The following ENDOD1 variants were observed in gnomAD, a reference collection of about 807,000 sequenced individuals.
ENDOD1 encodes the protein endonuclease domain containing 1.
A neutral mutation model predicts 6.5 loss-of-function variants in ENDOD1; 9 were observed. The observed-to-expected ratio is 1.39, with a 90% CI of 0.84 to 2.43. ENDOD1 has a LOEUF of 2.43. ENDOD1 is among the 30% of genes most tolerant of loss of function. The probability of loss-of-function intolerance (pLI) is 0.00; values close to 1 mark genes in which losing one functional copy is unlikely to be tolerated. For missense variants in ENDOD1, 648 were observed against 635.5 expected, an observed-to-expected ratio of 1.02 and a Z score of -0.21; for synonymous variants, 255 against 255.2, an observed-to-expected ratio of 1.00 and a Z score of 0.01.
At chr11:95,097,941 G>A (rs1165299895) in intron 1 of ENDOD1, among the ~76,000 whole-genome samples, 1 of 152,144 alleles carries the variant, frequency 6.6e-6, no homozygotes, top group Non-Finnish European at 1.5e-5. Flanking sequence ...TATAATACTG[G>A]TTGAGTATCC....
intron 1 of ENDOD1, among the ~76,000 whole-genome samples, chr11:95,111,231 T>A (rs749477978): frequency 6.6e-6 from 1 of 152,112 alleles, no homozygotes. Flanking sequence ...TGGGAGTCCG[T>A]TCAGTGCCTT....
intron 1 of ENDOD1, among the ~76,000 whole-genome samples, chr11:95,102,101 C>T (rs1859046371): frequency 6.6e-6 from 1 of 151,848 alleles, no homozygotes; most frequent in Non-Finnish European, 1.5e-5. Context: ...AGGCAGAGGC[C>T]CAGGGAGTCA....
chr11:95,114,272 A>G (rs1483557948), intron 1 of ENDOD1, among the ~76,000 whole-genome samples: 2 of 151,822 alleles, frequency 1.3e-5, no homozygotes, highest in Non-Finnish European at 2.9e-5. Flanking sequence ...GCACACCACC[A>G]TGCCTAGCTA....
intron 1 of ENDOD1, among the ~76,000 whole-genome samples, chr11:95,098,306 T>C (rs1235304296): frequency 6.6e-6 from 1 of 152,166 alleles, no homozygotes; most frequent in Non-Finnish European, 1.5e-5. Context: ...ATTGTGCACT[T>C]CAAAATTTGT....
At chr11:95,098,121 A>G (rs181316072) in intron 1 of ENDOD1, among the ~76,000 whole-genome samples, 1 of 151,206 alleles carries the variant, frequency 6.6e-6, no homozygotes, top group East Asian at 1.9e-4. Flanking sequence ...ATTTTGGAAC[A>G]TATTGGATTT....
intron 1 of ENDOD1, among the ~76,000 whole-genome samples, chr11:95,125,006 C>T (rs574828): frequency 0.41 from 62,639 of 151,808 alleles, 14,075 homozygotes; most frequent in East Asian, 0.7. Flanking sequence ...CCTTTTTTAT[C>T]CTCCCCTGTT....
intron 1 of ENDOD1, among the ~76,000 whole-genome samples, chr11:95,096,510 G>A (rs1555110349): frequency 6.6e-6 from 1 of 152,004 alleles, no homozygotes; most frequent in Non-Finnish European, 1.5e-5. Context: ...GTCAAACAGA[G>A]GGTAGTTTAT....
In ENDOD1 at chr11:95,128,646, T is replaced by A. The variant is rs1432889973; in HGVS notation, c.570T>A (p.Cys190Ter). The change falls in exon 2 of 2, where the codon TGT (cysteine) becomes TGA (stop). Residue 190 changes from cysteine (C) to a stop codon, truncating the protein, a stop_gained. Transcript: ENST00000278505. LOFTEE classifies it low-confidence loss of function (END_TRUNC). The stretch of plus-strand genomic sequence containing the variant: ...TGGACCGGGCTTTGACCCCACAGTG[T>A]GGCAGTGGGGAAGACCTATATATCC... ...SLMDRALTPQ[C>*]GSGEDLYILT... 23 of 1,614,160 alleles carry A rather than the reference T, an allele frequency of 1.4e-5. No homozygotes were observed. The highest frequency in any genetic ancestry group is 1.8e-5 in the Non-Finnish European group (21 of 1,180,008).
Position 95,090,011 on chromosome 11 carries a change from A to G in ENDOD1, c.84A>G (p.Glu28=), listed in dbSNP as rs781984200. The G allele has an allele frequency of 1.3e-6, 2 of 1,578,674 alleles. No individual in the cohort carries two copies. Among genetic ancestry groups the G allele is most frequent in the Admixed American group, 1.8e-5 (1 of 56,276 alleles). Residue 28 remains glutamate (E), a synonymous_variant, in exon 1 of 2, where the codon GAA becomes GAG. Transcript: ENST00000278505. ...AAGGCCGGCTCGTGGGCGAGGAGGA[A>G]GCCGGCTTTGGCGAATGTGACAAGT... ...LLEGRLVGEE[E]AGFGECDKFF...
intron 1 of ENDOD1, among the ~76,000 whole-genome samples, chr11:95,098,373 G>T (rs1246614661): frequency 6.6e-6 from 1 of 152,124 alleles, no homozygotes; most frequent in Non-Finnish European, 1.5e-5. Flanking sequence ...CAAACAAAAG[G>T]ACACAAGGAA....
At chr11:95,124,120 A>C (rs1475483936) in intron 1 of ENDOD1, among the ~76,000 whole-genome samples, 3 of 152,182 alleles carry the variant, frequency 2.0e-5, no homozygotes, top group Admixed American at 2.0e-4. Flanking sequence ...AAACTATTAA[A>C]AGATAAAAAA....
chr11:95,120,142 GC>G (rs1397496823), intron 1 of ENDOD1, among the ~76,000 whole-genome samples: 1 of 152,132 alleles, frequency 6.6e-6, no homozygotes, highest in Non-Finnish European at 1.5e-5. Flanking sequence ...GGCCCCAAGA[GC>G]CCACTTGATG....
intron 1 of ENDOD1, among the ~76,000 whole-genome samples, chr11:95,125,626 A>G (rs1340782845): frequency 8.3e-6 from 1 of 119,992 alleles, no homozygotes; most frequent in African/African-American, 3.2e-5. Flanking sequence ...CCGGTGCGTG[A>G]TGTTCCCCTT....
intron 1 of ENDOD1, among the ~76,000 whole-genome samples, chr11:95,111,940 G>A (rs1219108045): frequency 3.3e-5 from 5 of 152,140 alleles, no homozygotes; most frequent in Admixed American, 1.3e-4. Flanking sequence ...TCTCAAGGCC[G>A]AGGTCCTCTT....
At position 95,131,882 on chromosome 11, in the gene ENDOD1, G is replaced by A. The variant is rs891858464; in HGVS notation, c.*2303G>A. On this transcript the variant is annotated 3_prime_UTR_variant, in exon 2 of 2. Coordinates refer to ENST00000278505, the MANE Select transcript of ENDOD1 (RefSeq NM_015036.3). ...GTTTAGTGTCTATTTATTCTTGGGT[G>A]GCCAGTTTTGAAACCTAAAAAGGGA... 10 of 152,288 alleles carry A rather than the reference G, an allele frequency of 6.6e-5. No individual in the cohort carries two copies. Among genetic ancestry groups the A allele is most frequent in the Admixed American group, 3.9e-4 (6 of 15,302 alleles). The allele number at this position is 152,288 out of a possible 1,614,324, so 9.4% of individuals were successfully genotyped here. A position where few individuals can be genotyped will look rare whatever the true frequency, so the allele number is the denominator to read the frequency against.
At chr11:95,104,860 G>C (rs781987791) in intron 1 of ENDOD1, among the ~76,000 whole-genome samples, 2 of 152,150 alleles carry the variant, frequency 1.3e-5, no homozygotes, top group Non-Finnish European at 2.9e-5. Flanking sequence ...CAGCCTGGCT[G>C]CCAACCCCAA....
At chr11:95,104,447 TAAAAAAAAA>T (rs10716026) in intron 1 of ENDOD1, among the ~76,000 whole-genome samples, 1 of 131,128 alleles carries the variant, frequency 7.6e-6, no homozygotes, top group Non-Finnish European at 1.6e-5. Context: ...GACCCTGTCT[TAAAAAAAAA>T]AAAAAAAAAA....
chr11:95,125,992 A>G (rs1440393451), intron 1 of ENDOD1, among the ~76,000 whole-genome samples: 1 of 152,096 alleles, frequency 6.6e-6, no homozygotes. Flanking sequence ...TGGTATTTCT[A>G]GTTCTAGATC....
chr11:95,107,050 T>C (rs1555111474), intron 1 of ENDOD1, among the ~76,000 whole-genome samples: 2 of 152,080 alleles, frequency 1.3e-5, no homozygotes, highest in African/African-American at 4.8e-5. Context: ...AGGTAGGGGC[T>C]TAATTCCTTC....
Sources: gnomAD v4.1 joint callset for allele counts (sites outside exome capture counted in the v4.1 genomes callset) on GRCh38, gnomAD v4.1.1 for gene constraint, MANE v1.5 for transcripts, NCBI Gene and HGNC (gene_info 2026-07-23, HGNC 2026-07-21) for gene names.